The following TMEM123 variants were observed in gnomAD, a reference collection of about 807,000 sequenced individuals.
The protein encoded by TMEM123 is transmembrane protein 123.
A neutral mutation model predicts 19.7 loss-of-function variants in TMEM123; 16 were observed. The observed-to-expected ratio is 0.81, with a 90% CI of 0.55 to 1.23. TMEM123 has a LOEUF of 1.23. Ranked by LOEUF, TMEM123 falls within the 50% of genes most tolerant of loss-of-function variation. The pLI is 0.00. For synonymous variants in TMEM123, 118 were observed against 99.4 expected (o/e 1.19, Z -1.12); for missense variants, 313 against 257.8 (o/e 1.21, Z -1.47).
At chr11:102,435,789 C>A (rs1043729198) in intron 2 of TMEM123, among the ~76,000 whole-genome samples, 5 of 151,882 alleles carry the variant, frequency 3.3e-5, no homozygotes, top group African/African-American at 9.7e-5. Context: ...AAAGACTACA[C>A]ACTACATGAT....
At chr11:102,399,020 T>A in intron 4 of TMEM123, 129 bp from the exon 5 acceptor site, 1 of 816,372 alleles carries the variant, frequency 1.2e-6, no homozygotes, top group Non-Finnish European at 1.9e-6. Context: ...CAGTGTTCTG[T>A]GTAAAGTTCC....
At chr11:102,450,954 T>A (rs1027267812) in intron 1 of TMEM123, among the ~76,000 whole-genome samples, 1 of 152,214 alleles carries the variant, frequency 6.6e-6, no homozygotes, top group South Asian at 2.1e-4. Context: ...TTTTGAGAAA[T>A]CTTCTATTGT....
In TMEM123 at chr11:102,397,789, G is replaced by T. The variant is rs1459277380; in HGVS notation, c.*1078C>A. The stretch of plus-strand genomic sequence containing the variant: ...AAAATATAGCATTTTCATCCTGCAG[G>T]TTTAGTTGCCTGGGGGAAGTCCCAC... On this transcript the variant is annotated 3_prime_UTR_variant, in exon 5 of 5. Coordinates refer to ENST00000398136, the MANE Select transcript of TMEM123 (RefSeq NM_052932.3). 2 of 152,162 alleles carry T rather than the reference G, an allele frequency of 1.3e-5. No individual in the cohort carries two copies. The highest frequency in any genetic ancestry group is 2.4e-5 in the African/African-American group (1 of 41,436). The allele number at this position is 152,162 out of a possible 1,614,324, so 9.4% of individuals were successfully genotyped here. A position where few individuals can be genotyped will look rare whatever the true frequency, so the allele number is the denominator to read the frequency against.
intron 2 of TMEM123, among the ~76,000 whole-genome samples, chr11:102,443,074 A>G (rs1334294912): frequency 1.3e-5 from 2 of 152,260 alleles, no homozygotes; most frequent in African/African-American, 4.8e-5. Context: ...AGAACATTCC[A>G]TGCTCATGGA....
chr11:102,422,196 G>C (rs1311806132), intron 2 of TMEM123, among the ~76,000 whole-genome samples: 2 of 152,194 alleles, frequency 1.3e-5, no homozygotes, highest in African/African-American at 4.8e-5. Context: ...AAGAATGGCC[G>C]AGTGTGGTGG....
intron 2 of TMEM123, among the ~76,000 whole-genome samples, chr11:102,436,405 C>T (rs374182998): frequency 7.2e-5 from 11 of 152,004 alleles, no homozygotes; most frequent in South Asian, 6.2e-4. Context: ...TCAAGTGATC[C>T]GCCCGCCTCA....
intron 2 of TMEM123, among the ~76,000 whole-genome samples, chr11:102,414,915 A>G (rs533504373): frequency 3.3e-5 from 5 of 152,232 alleles, no homozygotes; most frequent in Non-Finnish European, 7.3e-5. Flanking sequence ...AATTGGATAA[A>G]GAAGCAAAAC....
At chr11:102,437,005 C>G (rs1295629400) in intron 2 of TMEM123, among the ~76,000 whole-genome samples, 1 of 152,200 alleles carries the variant, frequency 6.6e-6, no homozygotes, top group African/African-American at 2.4e-5. Flanking sequence ...TTATGTTCTA[C>G]ACCATCTTTT....
chr11:102,398,375 G>A lies in TMEM123; in HGVS notation c.*492C>T. The A allele has an allele frequency of 5.1e-6, 2 of 391,080 alleles. No homozygotes were observed. Among genetic ancestry groups the A allele is most frequent in the Non-Finnish European group, 9.0e-6 (2 of 221,926 alleles). 24.2% of individuals were successfully genotyped at this position (391,080 alleles called of 1,614,324 possible). A position where few individuals can be genotyped will look rare whatever the true frequency, so the allele number is the denominator to read the frequency against. ...AATGTTGATGTTTTTCTTAAATTAT[G>A]CTTCAGATCTAGTTTGATTGTATAA... On this transcript the variant is annotated 3_prime_UTR_variant, in exon 5 of 5. Coordinates refer to ENST00000398136, the MANE Select transcript of TMEM123 (RefSeq NM_052932.3).
At chr11:102,400,902 C>CA (rs139115781) in intron 4 of TMEM123, among the ~76,000 whole-genome samples, 1 of 151,530 alleles carries the variant, frequency 6.6e-6, no homozygotes, top group East Asian at 1.9e-4. Context: ...ACGTAAGACT[C>CA]AAAAAAACAA....
At chr11:102,407,195 C>G (rs1355247296) in intron 2 of TMEM123, among the ~76,000 whole-genome samples, 1 of 152,192 alleles carries the variant, frequency 6.6e-6, no homozygotes, top group Non-Finnish European at 1.5e-5. Flanking sequence ...AGGAAGTCAA[C>G]AACATTAGCT....
chr11:102,452,451 C>G, intron 1 of TMEM123, 73 bp downstream of exon 1: 1 of 1,283,672 alleles, frequency 7.8e-7, no homozygotes, highest in South Asian at 1.7e-5. Context: ...TACCAGAGCC[C>G]AACTTGGGAA....
chr11:102,401,930 G>T lies in TMEM123; in HGVS notation c.434C>A (p.Ala145Asp). The T allele has an allele frequency of 6.2e-7, 1 of 1,613,818 alleles. No homozygotes were observed. The change falls in exon 3 of 5, where the codon GCT becomes GAT. Residue 145 changes from alanine to aspartate, a missense_variant. Transcript: ENST00000398136. ...VTHNSSVTSA[A>D]SSVTITTTMH... ...TTAATACATACTTGTTACTGATGAAGCAGCAGATGTCACTGAACTATTGTG... is the reference window on the plus strand; with the variant it reads ...TTAATACATACTTGTTACTGATGAATCAGCAGATGTCACTGAACTATTGTG...
chr11:102,425,244 T>C (rs977985292), intron 2 of TMEM123, among the ~76,000 whole-genome samples: 3 of 152,380 alleles, frequency 2.0e-5, no homozygotes, highest in African/African-American at 7.2e-5. Context: ...TTAACTCATA[T>C]GGTTATTGTA....
chr11:102,452,018 G>A (rs1372427230), intron 1 of TMEM123, among the ~76,000 whole-genome samples: 1 of 152,210 alleles, frequency 6.6e-6, no homozygotes, highest in Non-Finnish European at 1.5e-5. Flanking sequence ...GAGCGTCAGG[G>A]GGACCTAAAG....
intron 2 of TMEM123, among the ~76,000 whole-genome samples, chr11:102,402,663 A>G (rs907363229): frequency 5.3e-5 from 8 of 152,250 alleles, no homozygotes; most frequent in African/African-American, 1.4e-4. Context: ...ATAAATCAGT[A>G]GCTGCATGTT....
Position 102,452,387 on chromosome 11 carries a change from G to A in TMEM123, c.100+137C>T, listed in dbSNP as rs115699410. 1,467 of 674,624 alleles carry A rather than the reference G, an allele frequency of 2.2e-3. 16 individuals are homozygous for A. The African/African-American group carries it at 0.024, about 11-fold the overall frequency. The allele number at this position is 674,624 out of a possible 1,614,324, so 41.8% of individuals were successfully genotyped here. ...AACCTCAGTTTCCCCCACCCCGCCC[G>A]GTCACCTCTGGGTCCGCCCCGAGCG... On this transcript the variant is annotated intron_variant, in intron 1 of 4. Coordinates refer to ENST00000398136, the MANE Select transcript of TMEM123 (RefSeq NM_052932.3).
chr11:102,428,379 G>A (rs879666242), intron 2 of TMEM123, among the ~76,000 whole-genome samples: 2 of 151,918 alleles, frequency 1.3e-5, no homozygotes, highest in Admixed American at 6.6e-5. Context: ...TCAGCTCACT[G>A]CAACCTCCAC....
At chr11:102,411,694 A>C (rs1479175591) in intron 2 of TMEM123, among the ~76,000 whole-genome samples, 1 of 152,148 alleles carries the variant, frequency 6.6e-6, no homozygotes, top group Non-Finnish European at 1.5e-5. Context: ...GAAAAAAAAA[A>C]AACACACATC....
Sources: allele counts gnomAD v4.1 joint callset (sites outside exome capture counted in the v4.1 genomes callset), GRCh38; gene constraint gnomAD v4.1.1; transcripts MANE v1.5; gene names NCBI Gene and HGNC (gene_info 2026-07-23, HGNC 2026-07-21).